The following TMCO4 variants were observed in gnomAD, a reference collection of about 807,000 sequenced individuals.
TMCO4 encodes the protein transmembrane and coiled-coil domain-containing protein 4.
A neutral mutation model predicts 64.7 loss-of-function variants in TMCO4; 58 were observed. That is an observed-to-expected ratio of 0.90 (90% CI 0.73 to 1.12). The LOEUF (loss-of-function observed/expected upper bound fraction) is 1.12. Ranked by LOEUF, TMCO4 falls within the 50% of genes most tolerant of loss-of-function variation. TMCO4 has a pLI of 0.00. For missense variants in TMCO4, 780 were observed against 825.9 expected (o/e 0.94, Z 0.68); for synonymous variants, 325 against 346.1 (o/e 0.94, Z 0.68).
At chr1:19,686,005 G>T (rs559489850) in intron 15 of TMCO4, among the ~76,000 whole-genome samples, 62 of 152,246 alleles carry the variant, frequency 4.1e-4, no homozygotes, top group South Asian at 6.2e-4. Context: ...GGGATTACAG[G>T]CGTGAGCCAC....
At chr1:19,796,801 T>C (rs1394354874) in intron 2 of TMCO4, among the ~76,000 whole-genome samples, 1 of 152,136 alleles carries the variant, frequency 6.6e-6, no homozygotes, top group Admixed American at 6.6e-5. Flanking sequence ...TCTCAATCTC[T>C]TGACCTCGTA....
intron 4 of TMCO4, among the ~76,000 whole-genome samples, chr1:19,775,571 G>A (rs2101044310): frequency 6.6e-6 from 1 of 152,362 alleles, no homozygotes; most frequent in South Asian, 2.1e-4. Flanking sequence ...ACAGCCACAT[G>A]CATTATTTCA....
chr1:19,694,611 G>A lies in TMCO4; in HGVS notation c.1383-60C>T, dbSNP rs2095223316. 23 of 1,511,228 alleles carry A rather than the reference G, an allele frequency of 1.5e-5. No homozygotes were observed. In the South Asian group the frequency reaches 2.1e-4, roughly 14 times the overall value. The allele number at this position is 1,511,228 out of a possible 1,614,324, so 93.6% of individuals were successfully genotyped here. A position where few individuals can be genotyped will look rare whatever the true frequency, so the allele number is the denominator to read the frequency against. On this transcript the variant is annotated intron_variant, in intron 14 of 15. Transcript: ENST00000294543. ...ACCAGCCTCGGACAGCCCAAGGACA[G>A]GACGGGCCAGGCTGCCTCCTGGGGA...
chr1:19,753,427 C>T (rs2042106677), intron 7 of TMCO4, among the ~76,000 whole-genome samples: 1 of 152,102 alleles, frequency 6.6e-6, no homozygotes, highest in Non-Finnish European at 1.5e-5. Context: ...AAATGAGGCA[C>T]AGAGAGGAGA....
Position 19,683,355 on chromosome 1 carries a change from C to T in TMCO4, c.1590G>A (p.Gly530=). ...GCAGGCAGCCTGGGGCCAGCAAGAGCCCCTTCTCGTCCCAGCCTGGCTTGG... is the reference window on the plus strand; with the variant it reads ...GCAGGCAGCCTGGGGCCAGCAAGAGTCCCTTCTCGTCCCAGCCTGGCTTGG... The part of the protein sequence containing the change: ...IRTKPGWDEK[G]LLLAPGCLPS... The change falls in exon 16 of 16, where the codon GGG becomes GGA. Residue 530 remains glycine, a synonymous_variant. Transcript: ENST00000294543. 1.9e-6 allele frequency: 3 copies of T among 1,613,970 alleles called. No individual in the cohort carries two copies. The highest frequency in any genetic ancestry group is 2.5e-6 in the Non-Finnish European group (3 of 1,180,004).
chr1:19,695,127 C>T (rs539564880), intron 14 of TMCO4, among the ~76,000 whole-genome samples: 7 of 152,146 alleles, frequency 4.6e-5, no homozygotes, highest in Non-Finnish European at 4.4e-5. Flanking sequence ...GCAGAGGAGG[C>T]GAGGGTGGTT....
At chr1:19,690,598 G>C (rs2095185412) in intron 15 of TMCO4, among the ~76,000 whole-genome samples, 1 of 152,204 alleles carries the variant, frequency 6.6e-6, no homozygotes, top group Non-Finnish European at 1.5e-5. Context: ...GAGTAGATGG[G>C]GTGCCCCTGC....
At chr1:19,702,601 A>C (rs539336097) in intron 13 of TMCO4, among the ~76,000 whole-genome samples, 4 of 152,126 alleles carry the variant, frequency 2.6e-5, no homozygotes, top group Non-Finnish European at 2.9e-5. Context: ...CTCAAAAAGA[A>C]AGAAAATTTA....
At chr1:19,728,432 C>T (rs1223616344) in intron 13 of TMCO4, among the ~76,000 whole-genome samples, 1 of 152,194 alleles carries the variant, frequency 6.6e-6, no homozygotes, top group African/African-American at 2.4e-5. Flanking sequence ...TGCTATGCTG[C>T]TATTGCTGTG....
intron 5 of TMCO4, among the ~76,000 whole-genome samples, chr1:19,771,003 C>T (rs2042955103): frequency 6.6e-6 from 1 of 152,212 alleles, no homozygotes; most frequent in African/African-American, 2.4e-5. Context: ...GGGCAAGTTA[C>T]TTAACCTCTC....
At chr1:19,777,026 C>CAAAAA (rs59722797) in intron 4 of TMCO4, among the ~76,000 whole-genome samples, 402 of 81,202 alleles carry the variant, frequency 5.0e-3, no homozygotes, top group Non-Finnish European at 6.5e-3. Flanking sequence ...GACACTGTCT[C>CAAAAA]AAAAAAAAAA....
At chr1:19,761,826 T>A (rs1361372200) in intron 6 of TMCO4, among the ~76,000 whole-genome samples, 1 of 152,192 alleles carries the variant, frequency 6.6e-6, no homozygotes, top group Admixed American at 6.5e-5. Flanking sequence ...AATGAGCTCC[T>A]CCCAGTCTGA....
At chr1:19,721,122 G>C (rs1364102190) in intron 13 of TMCO4, among the ~76,000 whole-genome samples, 2 of 152,150 alleles carry the variant, frequency 1.3e-5, no homozygotes, top group Non-Finnish European at 2.9e-5. Context: ...GTTATGGACT[G>C]AGACTCACGC....
At chr1:19,767,462 C>T (rs565471781) in intron 6 of TMCO4, among the ~76,000 whole-genome samples, 30 of 152,220 alleles carry the variant, frequency 2.0e-4, no homozygotes, top group Non-Finnish European at 4.1e-4. Context: ...TGTTTTAAAC[C>T]CACTCAATTC....
At chr1:19,769,969 T>G (rs947669842) in intron 6 of TMCO4, among the ~76,000 whole-genome samples, 4 of 126,570 alleles carry the variant, frequency 3.2e-5, no homozygotes, top group African/African-American at 1.2e-4. Flanking sequence ...GAGGCCGGCA[T>G]GGCTGAAAGC....
chr1:19,738,976 C>A (rs542737967), intron 12 of TMCO4, among the ~76,000 whole-genome samples: 23 of 152,304 alleles, frequency 1.5e-4, no homozygotes, highest in African/African-American at 5.5e-4. Context: ...TCGGATGATG[C>A]CATCTTTGAT....
At chr1:19,777,911 T>C (rs2043283804) in intron 4 of TMCO4, among the ~76,000 whole-genome samples, 1 of 152,110 alleles carries the variant, frequency 6.6e-6, no homozygotes, top group Admixed American at 6.6e-5. Flanking sequence ...GTGGCATGCA[T>C]CTGTAGTCCC....
chr1:19,771,640 G>C (rs1414530871), intron 4 of TMCO4, among the ~76,000 whole-genome samples, 158 bp from the exon 5 acceptor site: 1 of 152,142 alleles, frequency 6.6e-6, no homozygotes, highest in African/African-American at 2.4e-5. Context: ...ACCTCATCTT[G>C]GGTGATGTAA....
intron 13 of TMCO4, among the ~76,000 whole-genome samples, chr1:19,709,289 G>GT (rs61227500): frequency 0.33 from 47,535 of 144,162 alleles, 7,821 homozygotes; most frequent in Middle Eastern, 0.39. Flanking sequence ...ATCCCGGCGG[G>GT]GGGGGGGGAC....
Sources: gnomAD v4.1 joint callset for allele counts (sites outside exome capture counted in the v4.1 genomes callset) on GRCh38, gnomAD v4.1.1 for gene constraint, MANE v1.5 for transcripts, NCBI Gene and HGNC (gene_info 2026-07-23, HGNC 2026-07-21) for gene names.